The following NELL2 variants were observed in gnomAD, a reference collection of about 807,000 sequenced individuals.
NELL2 encodes the protein protein kinase C-binding protein NELL2.
Under a neutral mutation model 109.6 loss-of-function variants are expected in NELL2, and 41 were observed. That is an observed-to-expected ratio of 0.37 (90% CI 0.29 to 0.49). The LOEUF (loss-of-function observed/expected upper bound fraction) is 0.49, where lower values mean the gene tolerates loss of function less well. Ranked by LOEUF, NELL2 falls within the 20% of genes least tolerant of loss-of-function variation. The pLI, the probability that NELL2 is intolerant of heterozygous loss-of-function variation, is 0.98. For synonymous variants in NELL2, 355 were observed against 344.7 expected (o/e 1.03, Z -0.33); for missense variants, 900 against 1,008.3 (o/e 0.89, Z 1.45).
intron 2 of NELL2, among the ~76,000 whole-genome samples, chr12:44,828,021 G>A (rs1943770712): frequency 6.6e-6 from 1 of 152,048 alleles, no homozygotes. Context: ...GGGGTGAGAT[G>A]GTATCTCATT....
At chr12:44,643,385 CATT>C (rs966433833) in intron 13 of NELL2, among the ~76,000 whole-genome samples, 4 of 151,928 alleles carry the variant, frequency 2.6e-5, no homozygotes, top group African/African-American at 9.7e-5. Context: ...GATTAAAAAA[CATT>C]ATGATAGTAT....
rs576802538 is a variant in NELL2, at chr12:44,549,703, T to C, written c.1664-16982A>G. ...AAGAATAAAATACTTTTATTCTTTT[T>C]GTACACTAAAAACTATAAAACATAA... On this transcript the variant is annotated intron_variant, in intron 15 of 19. Transcript: ENST00000429094. Among the ~76,000 whole-genome samples the C allele has an allele frequency of 9.5e-4, 145 of 152,258 alleles. 4 individuals carry two copies. The South Asian group carries it at 0.029, about 31-fold the overall frequency.
intron 19 of NELL2, 102 bp downstream of exon 19, chr12:44,519,899 GAAAA>G (rs60797262): frequency 1.2e-6 from 1 of 837,728 alleles, no homozygotes; most frequent in Non-Finnish European, 1.8e-6. Flanking sequence ...AAATAAACAG[GAAAA>G]AAAAAAAAAA....
Position 44,615,620 on chromosome 12 carries a change from C to G in NELL2, c.1445-4650G>C, listed in dbSNP as rs538992427. Among the ~76,000 whole-genome samples, 8 of 152,090 alleles carry G rather than the reference C, an allele frequency of 5.3e-5. No homozygotes were observed. The South Asian group carries it at 1.7e-3, about 32-fold the overall frequency. On this transcript the variant is annotated intron_variant, in intron 13 of 19. Coordinates refer to ENST00000429094, the MANE Select transcript of NELL2 (RefSeq NM_001145108.2). ...ATGCTTGTGTTTTTCCCAATCTATT[C>G]ATTTTTTATTCTAGTGTTCTTCTTT...
intron 12 of NELL2, among the ~76,000 whole-genome samples, chr12:44,700,615 T>C (rs1318147651): frequency 4.6e-5 from 7 of 152,120 alleles, no homozygotes. Flanking sequence ...GACTTTTACT[T>C]ACCCTTCAGA....
intron 3 of NELL2, among the ~76,000 whole-genome samples, chr12:44,808,043 A>G (rs1943060179): frequency 6.6e-6 from 1 of 152,076 alleles, no homozygotes; most frequent in Non-Finnish European, 1.5e-5. Flanking sequence ...TTGCCTGGAA[A>G]TATTCTTGGT....
At chr12:44,764,102 A>C (rs1161072034) in intron 9 of NELL2, among the ~76,000 whole-genome samples, 3 of 152,338 alleles carry the variant, frequency 2.0e-5, no homozygotes, top group South Asian at 2.1e-4. Flanking sequence ...AATGTAAAGA[A>C]AAGTTTTTCA....
chr12:44,567,854 T>C (rs191372966), intron 15 of NELL2, among the ~76,000 whole-genome samples: 26 of 152,228 alleles, frequency 1.7e-4, no homozygotes, highest in African/African-American at 6.0e-4. Flanking sequence ...CCTTTATAGA[T>C]GAGGACTTTT....
At chr12:44,783,244 G>A (rs1352026983) in intron 3 of NELL2, among the ~76,000 whole-genome samples, 1 of 150,882 alleles carries the variant, frequency 6.6e-6, no homozygotes, top group Non-Finnish European at 1.5e-5. Flanking sequence ...CAATACTTGA[G>A]AGAGAAATTT....
intron 3 of NELL2, among the ~76,000 whole-genome samples, chr12:44,805,606 T>C (rs981626845): frequency 5.3e-5 from 8 of 151,880 alleles, no homozygotes; most frequent in African/African-American, 1.9e-4. Flanking sequence ...TCAATTTTTT[T>C]CTTAGGCAAG....
chr12:44,866,723 C>A (rs1387014440), intron 2 of NELL2, among the ~76,000 whole-genome samples: 6 of 151,600 alleles, frequency 4.0e-5, no homozygotes, highest in African/African-American at 7.3e-5. Context: ...AATTGACATG[C>A]CTTTAGCTAA....
intron 3 of NELL2, among the ~76,000 whole-genome samples, chr12:44,815,398 AT>A (rs1425132080): frequency 6.6e-6 from 1 of 152,222 alleles, no homozygotes; most frequent in Non-Finnish European, 1.5e-5. Flanking sequence ...TTAGAATATA[AT>A]ATTTTTGTGG....
At chr12:44,544,076 A>G (rs1942692359) in intron 15 of NELL2, among the ~76,000 whole-genome samples, 1 of 152,120 alleles carries the variant, frequency 6.6e-6, no homozygotes, top group African/African-American at 2.4e-5. Context: ...CAGAACCAAC[A>G]TCTTTACATT....
chr12:44,585,860 C>A (rs1944474896), intron 15 of NELL2, among the ~76,000 whole-genome samples: 1 of 151,522 alleles, frequency 6.6e-6, no homozygotes. Flanking sequence ...AATGCACAGA[C>A]CCATAACAAA....
chr12:44,707,454 A>C (rs779568405), intron 11 of NELL2, among the ~76,000 whole-genome samples: 11 of 152,182 alleles, frequency 7.2e-5, no homozygotes, highest in Non-Finnish European at 1.2e-4. Context: ...AAGGGACGAG[A>C]TTTGAGAGCA....
intron 3 of NELL2, among the ~76,000 whole-genome samples, chr12:44,797,567 G>A (rs981718020): frequency 3.3e-5 from 5 of 151,832 alleles, no homozygotes; most frequent in Non-Finnish European, 7.4e-5. Flanking sequence ...GGCCAGTTGT[G>A]TATATACATA....
intron 1 of NELL2, among the ~76,000 whole-genome samples, chr12:44,913,467 C>A (rs1945801053): frequency 6.6e-6 from 1 of 152,060 alleles, no homozygotes; most frequent in Non-Finnish European, 1.5e-5. Flanking sequence ...TCTAAAAAAT[C>A]AGCTCTCAAA....
chr12:44,647,548 G>A (rs949128741), intron 13 of NELL2, among the ~76,000 whole-genome samples: 1 of 152,112 alleles, frequency 6.6e-6, no homozygotes, highest in Non-Finnish European at 1.5e-5. Context: ...TTAATTAAGA[G>A]CTATAGAAAT....
intron 1 of NELL2, among the ~76,000 whole-genome samples, chr12:44,907,077 C>A (rs1184446182): frequency 3.3e-5 from 5 of 151,944 alleles, no homozygotes; most frequent in Non-Finnish European, 7.4e-5. Context: ...GGCTTTTCCC[C>A]CTCTTCATTC....
Sources: allele counts gnomAD v4.1 joint callset (sites outside exome capture counted in the v4.1 genomes callset), GRCh38; gene constraint gnomAD v4.1.1; transcripts MANE v1.5; gene names NCBI Gene and HGNC (gene_info 2026-07-23, HGNC 2026-07-21).